Variants in UFD1 observed in about 807,000 individuals in gnomAD.
The protein encoded by UFD1 is ubiquitin recognition factor in ER associated degradation 1.
UFD1 carries 13 observed loss-of-function variants against 45.9 expected under a neutral mutation model. That is an observed-to-expected ratio of 0.28 (90% confidence interval 0.18 to 0.45). UFD1 has a LOEUF of 0.45. Among genes scored for constraint, UFD1 ranks in the 20% least tolerant of loss-of-function variants. The pLI is 1.00. For missense variants in UFD1, 218 were observed against 389.2 expected, an observed-to-expected ratio of 0.56 and a Z score of 3.70; for synonymous variants, 128 against 139.2, an observed-to-expected ratio of 0.92 and a Z score of 0.56.
chr22:19,476,893 G>A (rs1018624569), intron 1 of UFD1, among the ~76,000 whole-genome samples: 4 of 150,618 alleles, frequency 2.7e-5, no homozygotes, highest in African/African-American at 9.8e-5. Flanking sequence ...TGTAATCCCA[G>A]CTACTCAGGA....
chr22:19,466,939 C>G (rs2089806835), intron 5 of UFD1: 1 of 152,232 alleles, frequency 6.6e-6, no homozygotes, highest in African/African-American at 2.4e-5. Flanking sequence ...CTCTGAAGGA[C>G]AAGTTAACTA....
At position 19,467,801 on chromosome 22, in the gene UFD1, G is replaced by C. The variant is rs1188033969; in HGVS notation, c.422+72C>G. The C allele has an allele frequency of 1.9e-6, 3 of 1,589,694 alleles. No homozygotes were observed. In the East Asian group the frequency reaches 6.7e-5, roughly 36 times the overall value. ...CCAAAGCAGGCACAGATTCAATACA[G>C]TACATGATGTTTAACAACCGCCAGC... On this transcript the variant is annotated intron_variant, in intron 5 of 11. Transcript: ENST00000263202.
At chr22:19,461,622 G>A (rs2089767300) in intron 6 of UFD1, among the ~76,000 whole-genome samples, 1 of 152,212 alleles carries the variant, frequency 6.6e-6, no homozygotes. Flanking sequence ...TGGTTTTGGT[G>A]ATCAAGGTTA....
At chr22:19,453,630 G>A in intron 11 of UFD1, 1 of 985,564 alleles carries the variant, frequency 1.0e-6, no homozygotes, top group Non-Finnish European at 1.2e-6. Flanking sequence ...AGGTCTGACT[G>A]GCCACTATGT....
chr22:19,450,640 A>C lies in UFD1; in HGVS notation c.*30T>G, dbSNP rs1253701993. On this transcript the variant is annotated 3_prime_UTR_variant, in exon 12 of 12. Coordinates refer to ENST00000263202, the MANE Select transcript of UFD1 (RefSeq NM_005659.7). The stretch of plus-strand genomic sequence containing the variant: ...CCAAGATGTTGCAAATGATTCTTTT[A>C]TTATTTTCCAATCAGCCAACAGTCC... 6.2e-7 allele frequency: 1 copy of C among 1,613,740 alleles called. No homozygotes were observed. Among genetic ancestry groups the C allele is most frequent in the Admixed American group, 1.7e-5 (1 of 59,992 alleles).
In UFD1 at chr22:19,455,727, T is replaced by C. The variant is rs778434482; in HGVS notation, c.720A>G (p.Lys240=). The change falls in exon 10 of 12, where the codon AAA becomes AAG. Residue 240 remains lysine, a synonymous_variant. Coordinates refer to ENST00000263202, the MANE Select transcript of UFD1 (RefSeq NM_005659.7). ...TTGGGGAGGGGCTGGGCTCTACCCC[T>C]TTCTTCTTTCCATCCAGTCTATTGC... ...GSGNRLDGKK[K]GVEPSPSPIK... is the part of the protein sequence containing the mutation. The C allele has an allele frequency of 4.3e-6, 7 of 1,614,118 alleles. No individual in the cohort carries two copies. Among genetic ancestry groups the C allele is most frequent in the Non-Finnish European group, 5.1e-6 (6 of 1,179,992 alleles).
In UFD1 at chr22:19,467,996, T is replaced by C; in HGVS notation, c.299A>G (p.Gln100Arg). ...GICYLPHWMM[Q>R]NLLLEEGGLV... ...GCCGCCTTCTTCCAAGAGTAAGTTC[T>C]GCATCATCTGAAAGGAAGAAGAGGC... The change falls in exon 5 of 12, where the codon CAG (glutamine) becomes CGG (arginine). Residue 100 changes from glutamine (Q) to arginine (R), a missense_variant. Physicochemically the swap from Gln to Arg is conservative, Grantham distance 43. Transcript: ENST00000263202. 4 of 1,614,058 alleles carry C rather than the reference T, an allele frequency of 2.5e-6. No homozygotes were observed. The highest frequency in any genetic ancestry group is 3.4e-6 in the Non-Finnish European group (4 of 1,179,976).
intron 11 of UFD1, chr22:19,451,469 T>C: frequency 1.0e-6 from 1 of 985,452 alleles, no homozygotes; most frequent in Non-Finnish European, 1.2e-6. Flanking sequence ...AACATTCCAC[T>C]AAGCTATCCT....
At chr22:19,471,383 T>C (rs2089844092) in intron 4 of UFD1, 1 of 637,212 alleles carries the variant, frequency 1.6e-6, no homozygotes, top group African/African-American at 1.8e-5. Flanking sequence ...AAAAATACTG[T>C]TGCTCCATTA....
intron 11 of UFD1, chr22:19,454,415 T>C: frequency 3.9e-6 from 3 of 773,560 alleles, no homozygotes; most frequent in Non-Finnish European, 4.9e-6. Context: ...GGGCGGGTCT[T>C]TTCCGTGCTG....
At chr22:19,470,616 A>G in intron 4 of UFD1, 1 of 392,968 alleles carries the variant, frequency 2.5e-6, no homozygotes, top group Non-Finnish European at 5.1e-6. Flanking sequence ...TAGTCTTTGT[A>G]TTTTTAGTAG....
At chr22:19,471,394 T>C (rs761676397) in intron 4 of UFD1, 7 of 663,776 alleles carry the variant, frequency 1.1e-5, no homozygotes, top group Admixed American at 3.6e-5. Context: ...TGCTCCATTA[T>C]TTTTAAAAAC....
Position 19,479,166 on chromosome 22 carries a change from T to TGCCGCTGCCGCC in UFD1, c.-93_-82dup. On this transcript the variant is annotated 5_prime_UTR_variant, in exon 1 of 12. Coordinates refer to ENST00000263202, the MANE Select transcript of UFD1 (RefSeq NM_005659.7). Reference sequence around the variant, plus strand: ...CGCCGACCGCTCTCCCAGCCGCCGCTGCCGCTGCCGCCGCGCCAAGCCGGT... The same window carrying TGCCGCTGCCGCC: ...CGCCGACCGCTCTCCCAGCCGCCGCTGCCGCTGCCGCCGCCGCTGCCGCCGCGCCAAGCCGGT... 6.4e-7 allele frequency: 1 copy of TGCCGCTGCCGCC among 1,571,078 alleles called. No homozygotes were observed. Among genetic ancestry groups the TGCCGCTGCCGCC allele is most frequent in the Non-Finnish European group, 8.6e-7 (1 of 1,160,488 alleles).
At chr22:19,477,080 T>G (rs915829397) in intron 1 of UFD1, among the ~76,000 whole-genome samples, 1 of 151,132 alleles carries the variant, frequency 6.6e-6, no homozygotes, top group African/African-American at 2.4e-5. Context: ...AATAAAACAA[T>G]TACAACAATA....
intron 5 of UFD1, chr22:19,465,811 C>T (rs2089797852): frequency 6.6e-6 from 1 of 152,254 alleles, no homozygotes; most frequent in African/African-American, 2.4e-5. Context: ...TCAAAAGTTC[C>T]TCAAAATCAA....
At position 19,479,176 on chromosome 22, in the gene UFD1, G is replaced by A. The variant is rs921894368; in HGVS notation, c.-91C>T. On this transcript the variant is annotated 5_prime_UTR_variant, in exon 1 of 12. Transcript: ENST00000263202. ...TCTCCCAGCCGCCGCTGCCGCTGCC[G>A]CCGCGCCAAGCCGGTACGCCCCAGA... is the stretch of plus-strand genomic sequence containing the variant. The A allele has an allele frequency of 6.4e-7, 1 of 1,572,296 alleles. No individual in the cohort carries two copies.
At chr22:19,456,390 G>A (rs2089723151) in intron 9 of UFD1, 197 bp downstream of exon 9, 1 of 682,902 alleles carries the variant, frequency 1.5e-6, no homozygotes, top group Non-Finnish European at 2.5e-6. Context: ...TTATGGGGCT[G>A]TTGGGAAGAT....
chr22:19,472,994 T>A (rs1019509479), intron 3 of UFD1, among the ~76,000 whole-genome samples: 1 of 152,190 alleles, frequency 6.6e-6, no homozygotes. Flanking sequence ...GCAAATCAAG[T>A]TAAAAGCTTG....
chr22:19,462,339 G>A (rs1283612260), intron 6 of UFD1, among the ~76,000 whole-genome samples: 2 of 152,106 alleles, frequency 1.3e-5, no homozygotes, highest in Admixed American at 1.3e-4. Flanking sequence ...ATTGTAAACA[G>A]AGAACACTTT....
Sources: allele counts gnomAD v4.1 joint callset (sites outside exome capture counted in the v4.1 genomes callset), GRCh38; gene constraint gnomAD v4.1.1; transcripts MANE v1.5; gene names NCBI Gene and HGNC (gene_info 2026-07-23, HGNC 2026-07-21).